CHD6: variants seen among roughly 807,000 people sequenced by gnomAD.
CHD6 encodes the protein ATP-dependent chromatin remodeler CHD6.
A neutral mutation model predicts 276.9 loss-of-function variants in CHD6; 50 were observed. The ratio of observed to expected loss-of-function variants is 0.18; its 90% confidence interval spans 0.14 to 0.23. CHD6 has a LOEUF of 0.23. Ranked by LOEUF, CHD6 falls within the 10% of genes least tolerant of loss-of-function variation. CHD6 has a pLI of 1.00. For synonymous variants in CHD6, 1,173 were observed against 1,229.3 expected, an observed-to-expected ratio of 0.95 and a Z score of 0.96; for missense variants, 2,564 against 3,365.8, an observed-to-expected ratio of 0.76 and a Z score of 5.89.
chr20:41,524,501 T>C (rs1014793088), intron 3 of CHD6, among the ~76,000 whole-genome samples: 1 of 152,232 alleles, frequency 6.6e-6, no homozygotes, highest in South Asian at 2.1e-4. Flanking sequence ...TACCAAGTAG[T>C]CCTATCAAAA....
intron 17 of CHD6, among the ~76,000 whole-genome samples, chr20:41,458,775 T>C (rs1314769187): frequency 6.6e-6 from 1 of 152,076 alleles, no homozygotes; most frequent in Non-Finnish European, 1.5e-5. Context: ...TAGTCTCTTT[T>C]AGCGGGAATG....
At chr20:41,615,948 G>C (rs971980784) in intron 1 of CHD6, among the ~76,000 whole-genome samples, 1 of 152,212 alleles carries the variant, frequency 6.6e-6, no homozygotes, top group Admixed American at 6.5e-5. Flanking sequence ...AGTAGCCCAA[G>C]GGCCGCCTGT....
rs767280880 is a variant in CHD6 at position 41,586,800 on chromosome 20, C to T, written c.-24+31540G>A. On this transcript the variant is annotated intron_variant, in intron 1 of 36. Coordinates refer to ENST00000373233, the MANE Select transcript of CHD6 (RefSeq NM_032221.5). ...AAAATCCATTTATGATAAAAACTCT[C>T]AGCAAATTTGGAACAAAAGGTAACT... Among the ~76,000 whole-genome samples, 5 of 152,204 alleles carry T rather than the reference C, an allele frequency of 3.3e-5. 1 individual carries two copies. Among genetic ancestry groups the T allele is most frequent in the Non-Finnish European group, 5.9e-5 (4 of 68,040 alleles).
chr20:41,471,040 C>T (rs1057314980), intron 17 of CHD6, among the ~76,000 whole-genome samples: 2 of 152,232 alleles, frequency 1.3e-5, no homozygotes, highest in African/African-American at 4.8e-5. Context: ...AACTTTGTAA[C>T]TGTCAAGGAC....
In CHD6 at chr20:41,421,253, C is replaced by T. The variant is rs1600816903; in HGVS notation, c.5382G>A (p.Glu1794=). ...CAATGTTTTCAGGTCTCTGTCCTGCCTCACTGCAGCAGAGCTCCCCTTCCT... is the reference window on the plus strand; with the variant it reads ...CAATGTTTTCAGGTCTCTGTCCTGCTTCACTGCAGCAGAGCTCCCCTTCCT... The part of the protein sequence containing the change: ...ISKEGELCCS[E]AGQRPENIGQ... The change falls in exon 31 of 37, where the codon GAG becomes GAA. Residue 1794 remains glutamate (E), a synonymous_variant. Coordinates refer to ENST00000373233, the MANE Select transcript of CHD6 (RefSeq NM_032221.5). 1 of 1,614,120 alleles carries T rather than the reference C, an allele frequency of 6.2e-7. No individual in the cohort carries two copies. The highest frequency in any genetic ancestry group is 1.7e-5 in the Admixed American group (1 of 60,026).
At chr20:41,492,173 G>A (rs189659558) in intron 10 of CHD6, among the ~76,000 whole-genome samples, 3 of 152,208 alleles carry the variant, frequency 2.0e-5, no homozygotes, top group Non-Finnish European at 2.9e-5. Flanking sequence ...AGCTCCTGAG[G>A]GCAGGGCCTG....
chr20:41,606,120 G>A (rs1355817154), intron 1 of CHD6, among the ~76,000 whole-genome samples: 1 of 152,204 alleles, frequency 6.6e-6, no homozygotes, highest in African/African-American at 2.4e-5. Flanking sequence ...GCTTATGCCT[G>A]TAATCCCAGC....
intron 3 of CHD6, among the ~76,000 whole-genome samples, chr20:41,526,488 T>C (rs938342448): frequency 1.6e-4 from 25 of 152,130 alleles, no homozygotes; most frequent in Admixed American, 1.4e-3. Context: ...GGTAGTTGAG[T>C]TCTACTACTC....
chr20:41,482,263 C>T (rs1354751186), intron 16 of CHD6, among the ~76,000 whole-genome samples: 4 of 152,100 alleles, frequency 2.6e-5, no homozygotes, highest in Non-Finnish European at 5.9e-5. Flanking sequence ...TTGAAAGCTA[C>T]AAAACTGCTT....
intron 17 of CHD6, among the ~76,000 whole-genome samples, chr20:41,467,647 C>T (rs1386991526): frequency 1.3e-5 from 2 of 148,380 alleles, no homozygotes; most frequent in African/African-American, 5.0e-5. Flanking sequence ...GGCAGGACTG[C>T]TTGAGGCCAG....
chr20:41,442,356 G>A (rs557980728), intron 25 of CHD6, among the ~76,000 whole-genome samples: 67 of 152,238 alleles, frequency 4.4e-4, no homozygotes, highest in Admixed American at 7.8e-4. Context: ...GGAGGCTGAG[G>A]TGGACAGATC....
At position 41,416,585 on chromosome 20, in the gene CHD6, C is replaced by T. The variant is rs1415800932; in HGVS notation, c.6486+3G>A. 2 of 1,609,318 alleles carry T rather than the reference C, an allele frequency of 1.2e-6. No homozygotes were observed. Among genetic ancestry groups the T allele is most frequent in the Admixed American group, 1.7e-5 (1 of 59,606 alleles). On this transcript the variant is annotated splice_donor_region_variant and intron_variant, in intron 33 of 36. Transcript: ENST00000373233. ...TGTGGTCACTCCATTCTTGCCGGCT[C>T]ACCTTGTGGATCTGGGCCGCCAATG...
intron 1 of CHD6, among the ~76,000 whole-genome samples, chr20:41,585,836 T>A (rs2045588854): frequency 6.6e-6 from 1 of 152,080 alleles, no homozygotes; most frequent in South Asian, 2.1e-4. Context: ...ACCAGCAAAT[T>A]GAATCCTGCA....
chr20:41,515,795 G>C (rs545239500), intron 3 of CHD6, among the ~76,000 whole-genome samples: 1 of 152,152 alleles, frequency 6.6e-6, no homozygotes, highest in African/African-American at 2.4e-5. Context: ...TATCAGACTC[G>C]AAGTTCCTAG....
intron 17 of CHD6, among the ~76,000 whole-genome samples, chr20:41,462,378 T>C (rs769536921): frequency 3.3e-5 from 5 of 152,156 alleles, no homozygotes; most frequent in Non-Finnish European, 5.9e-5. Flanking sequence ...TACCAAAAAA[T>C]TTCAAGATTT....
chr20:41,494,480 A>C (rs763728007), intron 8 of CHD6, among the ~76,000 whole-genome samples: 9 of 152,214 alleles, frequency 5.9e-5, no homozygotes, highest in Non-Finnish European at 1.3e-4. Flanking sequence ...AAACAACAAG[A>C]AGCAACATAT....
intron 17 of CHD6, among the ~76,000 whole-genome samples, chr20:41,459,657 C>T (rs893289196): frequency 2.6e-5 from 4 of 151,948 alleles, no homozygotes; most frequent in Non-Finnish European, 5.9e-5. Context: ...TTTCTCTTGC[C>T]GCCGCCATGT....
chr20:41,445,743 T>C lies in CHD6; in HGVS notation c.3799A>G (p.Ile1267Val), dbSNP rs926383134. 2 of 1,613,472 alleles carry C rather than the reference T, an allele frequency of 1.2e-6. No individual in the cohort carries two copies. The change falls in exon 25 of 37, where the codon ATC becomes GTC. Residue 1267 changes from isoleucine (I) to valine (V), a missense_variant. Physicochemically the swap from Ile to Val is conservative, Grantham distance 29. Around this residue, in one of 7 missense-constraint regions of CHD6, gnomAD observed 515 missense variants for 739.5 expected, o/e 0.70. Transcript: ENST00000373233. Reference protein sequence around the residue: ...ARELDVPLPDIDYMEIPVDWW... With the variant: ...ARELDVPLPDVDYMEIPVDWW... ...TCCACTGGGATCTCCATGTAGTCGATGTCAGGCAGAGGTACATCCAGCTCC... is the reference window on the plus strand; with the variant it reads ...TCCACTGGGATCTCCATGTAGTCGACGTCAGGCAGAGGTACATCCAGCTCC...
chr20:41,546,198 G>A (rs2045038546), intron 2 of CHD6, among the ~76,000 whole-genome samples: 1 of 152,000 alleles, frequency 6.6e-6, no homozygotes, highest in Non-Finnish European at 1.5e-5. Context: ...TTCACTCCAG[G>A]GAAGAAAATA....
Sources: allele counts gnomAD v4.1 joint callset (sites outside exome capture counted in the v4.1 genomes callset), GRCh38; gene constraint gnomAD v4.1.1; regional missense constraint gnomAD v4.1.1; transcripts MANE v1.5; gene names NCBI Gene and HGNC (gene_info 2026-07-23, HGNC 2026-07-21).